Variants in DLST observed in about 807,000 individuals in gnomAD.
DLST encodes the protein dihydrolipoyllysine-residue succinyltransferase component of 2-oxoglutarate dehydrogenase complex, mitochondrial.
Under a neutral mutation model 53.1 loss-of-function variants are expected in DLST, and 17 were observed. The ratio of observed to expected loss-of-function variants is 0.32; its 90% CI spans 0.22 to 0.48. DLST has a LOEUF of 0.48. Among genes scored for constraint, DLST ranks in the 20% least tolerant of loss-of-function variants. DLST has a pLI of 0.99. For missense variants in DLST, 512 were observed against 583.9 expected (o/e 0.88, Z 1.27); for synonymous variants, 206 against 204.8 (o/e 1.01, Z -0.05).
At chr14:74,896,641 A>C (rs1884084978) in intron 10 of DLST, among the ~76,000 whole-genome samples, 1 of 152,204 alleles carries the variant, frequency 6.6e-6, no homozygotes, top group African/African-American at 2.4e-5. Flanking sequence ...ATTCAAGCCA[A>C]AGATTTCTCT....
At chr14:74,896,699 G>A (rs1410624056) in intron 10 of DLST, among the ~76,000 whole-genome samples, 1 of 152,202 alleles carries the variant, frequency 6.6e-6, no homozygotes, top group African/African-American at 2.4e-5. Flanking sequence ...GAATCACAAA[G>A]GCTGCAGCTT....
At position 74,894,374 on chromosome 14, in the gene DLST, T is replaced by G. The variant is rs764309604; in HGVS notation, c.735T>G (p.Cys245Trp). ...AQRLKEAQNTCAMLTTFNEID... is the reference protein window; with the variant it reads ...AQRLKEAQNTWAMLTTFNEID... ...GTCTGAAGGAGGCCCAGAATACATG[T>G]GCAATGCTGACAACTTTTAATGAGA... The change falls in exon 10 of 15, where the codon TGT (cysteine) becomes TGG (tryptophan). Residue 245 changes from cysteine (C) to tryptophan (W), a missense_variant. Physicochemically the swap from Cys to Trp is radical, Grantham distance 215. This residue lies in a region of DLST where 162 missense variants were observed against 162.0 expected (regional missense o/e 1.00). Transcript: ENST00000334220. The G allele has an allele frequency of 1.9e-6, 3 of 1,614,164 alleles. No homozygotes were observed. The highest frequency in any genetic ancestry group is 2.5e-6 in the Non-Finnish European group (3 of 1,180,026).
chr14:74,893,818 A>G (rs931002668), intron 9 of DLST, among the ~76,000 whole-genome samples: 4 of 152,168 alleles, frequency 2.6e-5, no homozygotes, highest in African/African-American at 7.2e-5. Context: ...CTCAGTAGCA[A>G]TAGCTGTCAG....
At chr14:74,898,680 T>C (rs1884147701) in intron 11 of DLST, among the ~76,000 whole-genome samples, 181 bp downstream of exon 11, 1 of 152,258 alleles carries the variant, frequency 6.6e-6, no homozygotes, top group African/African-American at 2.4e-5. Flanking sequence ...GATTACTTTC[T>C]ACCCGCCAGC....
At chr14:74,901,729 T>G (rs747706014) in intron 14 of DLST, among the ~76,000 whole-genome samples, 1 of 152,250 alleles carries the variant, frequency 6.6e-6, no homozygotes, top group African/African-American at 2.4e-5. Flanking sequence ...CTCCTGTGTT[T>G]AGAATCCTTT....
At chr14:74,900,996 G>A (rs1010465478) in intron 13 of DLST, 70 bp from the exon 14 acceptor site, 3 of 1,559,006 alleles carry the variant, frequency 1.9e-6, no homozygotes, top group Non-Finnish European at 2.6e-6. Flanking sequence ...AAAGCGCTGG[G>A]ATTATGGACT....
intron 2 of DLST, among the ~76,000 whole-genome samples, chr14:74,884,519 G>A (rs1372798788): frequency 2.0e-5 from 3 of 152,136 alleles, no homozygotes; most frequent in Non-Finnish European, 2.9e-5. Flanking sequence ...GCAGATGGTC[G>A]TTCCACTTCA....
Position 74,898,499 on chromosome 14 carries a change from G to A in DLST, c.901G>A (p.Val301Met), listed in dbSNP as rs749081926. 1 of 1,614,014 alleles carries A rather than the reference G, an allele frequency of 6.2e-7. No homozygotes were observed. Among genetic ancestry groups the A allele is most frequent in the South Asian group, 1.1e-5 (1 of 91,068 alleles). Reference sequence around the variant, plus strand: ...GCAGGAACAGCCTGTTGTAAATGCAGGTGAGTTGCTTGTGGCTGGAATTGG... The same window carrying A: ...GCAGGAACAGCCTGTTGTAAATGCAAGTGAGTTGCTTGTGGCTGGAATTGG... The part of the protein sequence containing the change: ...ALQEQPVVNA[V>M]IDDTTKEVVY... The change falls in exon 11 of 15, where the codon GTG (valine) becomes ATG (methionine). Residue 301 changes from valine (V) to methionine (M), a missense_variant and splice_region_variant. Physicochemically the swap from Val to Met is conservative, Grantham distance 21 (BLOSUM62 1). Coordinates refer to ENST00000334220, the MANE Select transcript of DLST (RefSeq NM_001933.5).
At chr14:74,897,286 A>C (rs780065734) in intron 10 of DLST, among the ~76,000 whole-genome samples, 2 of 152,246 alleles carry the variant, frequency 1.3e-5, no homozygotes, top group Non-Finnish European at 2.9e-5. Flanking sequence ...GGGCTGTTAA[A>C]ATTGTACCAC....
At chr14:74,900,114 A>T in intron 12 of DLST, 118 bp downstream of exon 12, 1 of 1,132,842 alleles carries the variant, frequency 8.8e-7, no homozygotes, top group Non-Finnish European at 1.3e-6. Flanking sequence ...GGAGTTAGTA[A>T]AAGTAACCTT....
In DLST at chr14:74,901,101, T is replaced by C; in HGVS notation, c.1095T>C (p.Asp365=). 6.2e-7 allele frequency: 1 copy of C among 1,614,122 alleles called. No individual in the cohort carries two copies. The highest frequency in any genetic ancestry group is 8.5e-7 in the Non-Finnish European group (1 of 1,179,978). ...ATGAACTTGCCATTGAAGATATGGA[T>C]GGCGGTACCTTCACCATTAGCAATG... ...RKNELAIEDM[D]GGTFTISNGG... Residue 365 remains aspartate (D), a synonymous_variant, in exon 14 of 15, where the codon GAT becomes GAC. Coordinates refer to ENST00000334220, the MANE Select transcript of DLST (RefSeq NM_001933.5).
chr14:74,885,463 T>C, intron 2 of DLST, 123 bp from the exon 3 acceptor site: 10 of 1,004,154 alleles, frequency 1.0e-5, no homozygotes, highest in Non-Finnish European at 1.6e-5. Flanking sequence ...TGATAAAGAT[T>C]ATATCCGTTG....
chr14:74,887,170 G>A (rs781358891), intron 3 of DLST, among the ~76,000 whole-genome samples: 28 of 151,468 alleles, frequency 1.8e-4, no homozygotes, highest in South Asian at 1.2e-3. Flanking sequence ...CAAAGAGCAA[G>A]GGATTGGCTA....
intron 10 of DLST, among the ~76,000 whole-genome samples, chr14:74,896,861 G>C (rs1178944961): frequency 6.6e-6 from 1 of 152,210 alleles, no homozygotes; most frequent in Non-Finnish European, 1.5e-5. Context: ...GTAATAGCTG[G>C]ATCTCCTTTC....
chr14:74,900,938 T>C, intron 13 of DLST, 128 bp from the exon 14 acceptor site: 1 of 946,134 alleles, frequency 1.1e-6, no homozygotes, highest in Non-Finnish European at 1.6e-6. Context: ...GTTGCCCAGG[T>C]TGGCCTTGAA....
rs761961281 is a variant in DLST, at chr14:74,898,439, A to G, written c.841A>G (p.Met281Val). The G allele has an allele frequency of 5.6e-6, 9 of 1,613,912 alleles. No individual in the cohort carries two copies. The highest frequency in any genetic ancestry group is 2.7e-5 in the African/African-American group (2 of 74,934). ...GAAACATAACCTCAAACTAGGCTTC[A>G]TGTCGGCATTTGTGAAGGCCTCAGC... is the stretch of plus-strand genomic sequence containing the variant. The part of the protein sequence containing the change: ...LKKHNLKLGF[M>V]SAFVKASAFA... Residue 281 changes from methionine (M) to valine (V), a missense_variant, in exon 11 of 15, where the codon ATG becomes GTG. Met to Val is a conservative substitution (Grantham distance 21). This residue lies in a region of DLST where 186 missense variants were observed against 260.4 expected (regional missense o/e 0.71). Coordinates refer to ENST00000334220, the MANE Select transcript of DLST (RefSeq NM_001933.5).
chr14:74,893,132 C>T (rs541931721), intron 8 of DLST, 146 bp downstream of exon 8: 988 of 1,155,400 alleles, frequency 8.6e-4, no homozygotes, highest in Admixed American at 1.4e-3. Context: ...ATCCAAAGGC[C>T]TGCTTTGCAT....
At chr14:74,890,803 G>A (rs985828465) in intron 6 of DLST, among the ~76,000 whole-genome samples, 4 of 152,132 alleles carry the variant, frequency 2.6e-5, no homozygotes, top group Non-Finnish European at 5.9e-5. Context: ...CCAGGTTCAA[G>A]CGATTCTCGT....
chr14:74,898,978 C>T (rs1355777019), intron 11 of DLST, among the ~76,000 whole-genome samples: 1 of 152,220 alleles, frequency 6.6e-6, no homozygotes, highest in East Asian at 1.9e-4. Flanking sequence ...TACTTACCTA[C>T]GTCATTGTAG....
Sources: allele counts gnomAD v4.1 joint callset (sites outside exome capture counted in the v4.1 genomes callset), GRCh38; gene constraint gnomAD v4.1.1; regional missense constraint gnomAD v4.1.1; transcripts MANE v1.5; gene names NCBI Gene and HGNC (gene_info 2026-07-23, HGNC 2026-07-21).